MACROD2: variants seen among roughly 807,000 people sequenced by gnomAD.
The protein encoded by MACROD2 is ADP-ribose glycohydrolase MACROD2.
MACROD2 carries 36 observed loss-of-function variants against 70.4 expected under a neutral mutation model. The observed-to-expected ratio is 0.51, with a 90% CI of 0.39 to 0.68. MACROD2 has a LOEUF of 0.68. Ranked by LOEUF, MACROD2 falls within the 30% of genes least tolerant of loss-of-function variation. The pLI is 0.00. For synonymous variants in MACROD2, 172 were observed against 178.8 expected (o/e 0.96, Z 0.30); for missense variants, 496 against 538.4 (o/e 0.92, Z 0.78).
chr20:14,101,240 T>G (rs1393369006), intron 3 of MACROD2, among the ~76,000 whole-genome samples: 1 of 152,046 alleles, frequency 6.6e-6, no homozygotes, highest in Non-Finnish European at 1.5e-5. Context: ...TTCTTGATTA[T>G]TCCCGATTTT....
At chr20:14,534,545 T>A (rs1220322190) in intron 4 of MACROD2, among the ~76,000 whole-genome samples, 2 of 152,172 alleles carry the variant, frequency 1.3e-5, no homozygotes, top group Non-Finnish European at 2.9e-5. Context: ...TGATCAAGAG[T>A]GTCTTCAAAT....
intron 8 of MACROD2, among the ~76,000 whole-genome samples, chr20:15,759,793 T>A (rs1190626043): frequency 9.2e-5 from 14 of 152,204 alleles, no homozygotes; most frequent in Admixed American, 9.2e-4. Context: ...TGACAGTTTT[T>A]AAACTAGTCA....
At chr20:15,005,245 A>T (rs1457270135) in intron 5 of MACROD2, among the ~76,000 whole-genome samples, 4 of 152,216 alleles carry the variant, frequency 2.6e-5, no homozygotes, top group African/African-American at 9.6e-5. Context: ...GGAATTTCCT[A>T]TCACTGTGGT....
At chr20:15,533,741 AAAGGATTGAAAGTG>A (rs1463481531) in intron 8 of MACROD2, among the ~76,000 whole-genome samples, 1 of 152,182 alleles carries the variant, frequency 6.6e-6, no homozygotes, top group African/African-American at 2.4e-5. Flanking sequence ...TCCTGCTATA[AAAGGATTGAAAGTG>A]ATAGTGTGGT....
At chr20:14,862,041 A>ATTATATATATTTT (rs1163770367) in intron 5 of MACROD2, among the ~76,000 whole-genome samples, 1 of 11,072 alleles carries the variant, frequency 9.0e-5, no homozygotes, top group African/African-American at 4.6e-4. Flanking sequence ...ATATATATTT[A>ATTATATATATTTT]TATATATATT....
intron 2 of MACROD2, among the ~76,000 whole-genome samples, chr20:14,003,925 C>T (rs1217642642): frequency 6.6e-6 from 1 of 152,144 alleles, no homozygotes; most frequent in African/African-American, 2.4e-5. Flanking sequence ...GTTTGAGTCT[C>T]AGTAATTTCT....
At chr20:14,315,511 ACT>A (rs776483133) in intron 3 of MACROD2, among the ~76,000 whole-genome samples, 1 of 152,092 alleles carries the variant, frequency 6.6e-6, no homozygotes, top group African/African-American at 2.4e-5. Flanking sequence ...GGAAAAAAAG[ACT>A]CTTGTTTTCA....
At chr20:14,972,960 TG>T (rs1230051132) in intron 5 of MACROD2, among the ~76,000 whole-genome samples, 6 of 152,236 alleles carry the variant, frequency 3.9e-5, no homozygotes, top group Admixed American at 3.9e-4. Context: ...TAGAAGCTAC[TG>T]GAATAATTAA....
intron 5 of MACROD2, among the ~76,000 whole-genome samples, chr20:15,079,646 C>T (rs1402946341): frequency 6.6e-6 from 1 of 152,068 alleles, no homozygotes; most frequent in Admixed American, 6.6e-5. Flanking sequence ...CTCTCCAGAA[C>T]ACACACCCTC....
intron 3 of MACROD2, among the ~76,000 whole-genome samples, chr20:14,446,615 G>C (rs1217820917): frequency 6.6e-6 from 1 of 151,988 alleles, no homozygotes; most frequent in Non-Finnish European, 1.5e-5. Flanking sequence ...GAATGACTCA[G>C]GGCCTCCCAG....
chr20:15,074,263 G>A (rs1212099386), intron 5 of MACROD2, among the ~76,000 whole-genome samples: 1 of 152,030 alleles, frequency 6.6e-6, no homozygotes, highest in Non-Finnish European at 1.5e-5. Flanking sequence ...GGAGTGTAGA[G>A]GGGCTGAAGG....
chr20:15,258,397 A>T (rs1226315460), intron 6 of MACROD2, among the ~76,000 whole-genome samples: 1 of 152,116 alleles, frequency 6.6e-6, no homozygotes, highest in Non-Finnish European at 1.5e-5. Flanking sequence ...TGCCCTACAC[A>T]GGTGTACCCT....
chr20:15,374,801 G>A (rs2045540946), intron 6 of MACROD2, among the ~76,000 whole-genome samples: 1 of 152,186 alleles, frequency 6.6e-6, no homozygotes, highest in South Asian at 2.1e-4. Context: ...TGGCCAGGAT[G>A]TTCATTAATC....
intron 6 of MACROD2, among the ~76,000 whole-genome samples, chr20:15,252,394 T>C (rs1277882633): frequency 6.6e-6 from 1 of 152,198 alleles, no homozygotes; most frequent in Non-Finnish European, 1.5e-5. Context: ...TTACTCAGGC[T>C]AGATGTCCAT....
chr20:14,462,168 G>A (rs902682492), intron 3 of MACROD2, among the ~76,000 whole-genome samples: 9 of 151,906 alleles, frequency 5.9e-5, no homozygotes. Context: ...AAAGTGTTCC[G>A]ATTTCTCCAC....
chr20:15,776,512 A>G (rs988503783), intron 8 of MACROD2, among the ~76,000 whole-genome samples: 2 of 152,136 alleles, frequency 1.3e-5, no homozygotes, highest in African/African-American at 4.8e-5. Flanking sequence ...TGTGGATCCT[A>G]GTCTGTCATC....
Position 15,929,337 on chromosome 20 carries a change from A to G in MACROD2, c.776-3939A>G, listed in dbSNP as rs144909756. 3.6e-3 allele frequency among the ~76,000 whole-genome samples: 545 copies of G among 152,262 alleles called. 4 individuals are homozygous for G. Among genetic ancestry groups the G allele is most frequent in the African/African-American group, 0.013 (523 of 41,558 alleles). ...TAAATCCTTTGCTCACATTCTCTCCACTAGCATTTCATTAGCTAAATTAAG... is the reference window on the plus strand; with the variant it reads ...TAAATCCTTTGCTCACATTCTCTCCGCTAGCATTTCATTAGCTAAATTAAG... On this transcript the variant is annotated intron_variant, in intron 10 of 17. Transcript: ENST00000684519.
At chr20:15,904,635 G>A (rs944128432) in intron 10 of MACROD2, among the ~76,000 whole-genome samples, 4 of 151,948 alleles carry the variant, frequency 2.6e-5, no homozygotes, top group Middle Eastern at 3.4e-3. Context: ...GCTCACGCCT[G>A]TAATCCCAGC....
intron 2 of MACROD2, among the ~76,000 whole-genome samples, chr20:14,074,327 G>A (rs528244257): frequency 3.3e-5 from 5 of 152,172 alleles, no homozygotes; most frequent in East Asian, 3.9e-4. Context: ...CCTGTGATAC[G>A]GGTAGGATTA....
Sources: gnomAD v4.1 joint callset for allele counts (sites outside exome capture counted in the v4.1 genomes callset) on GRCh38, gnomAD v4.1.1 for gene constraint, MANE v1.5 for transcripts, NCBI Gene and HGNC (gene_info 2026-07-23, HGNC 2026-07-21) for gene names.